The following VPS53 variants were observed in gnomAD, a reference collection of about 807,000 sequenced individuals.
The protein encoded by VPS53 is vacuolar protein sorting-associated protein 53 homolog.
In VPS53, 70 loss-of-function variants were observed where a neutral mutation model predicts 107.0. The observed-to-expected ratio is 0.65, with a 90% CI of 0.54 to 0.80. The LOEUF (loss-of-function observed/expected upper bound fraction) is 0.80, where lower values mean the gene tolerates loss of function less well. Ranked by LOEUF, VPS53 falls within the 30% of genes least tolerant of loss-of-function variation. The probability of loss-of-function intolerance (pLI) is 0.00; values close to 1 mark genes in which losing one functional copy is unlikely to be tolerated. For missense variants in VPS53, 917 were observed against 1,049.4 expected (o/e 0.87, Z 1.74); for synonymous variants, 409 against 393.3 (o/e 1.04, Z -0.47).
intron 12 of VPS53, among the ~76,000 whole-genome samples, chr17:596,193 C>A (rs12937138): frequency 6.6e-6 from 1 of 151,990 alleles, no homozygotes; most frequent in South Asian, 2.1e-4. Context: ...TTAGAAATAT[C>A]TTTATTTATT....
chr17:604,704 A>G (rs1968484347), intron 11 of VPS53, among the ~76,000 whole-genome samples: 1 of 152,188 alleles, frequency 6.6e-6, no homozygotes, highest in Admixed American at 6.5e-5. Context: ...TCAGCCTCCC[A>G]AAGTGCTAGA....
chr17:713,880 C>CCG (rs1567760069), intron 1 of VPS53, among the ~76,000 whole-genome samples: 1 of 138,378 alleles, frequency 7.2e-6, no homozygotes, highest in African/African-American at 2.6e-5. Context: ...GTCTTTACCC[C>CCG]AAAAAAAAAA....
At chr17:655,379 C>T (rs1338126477) in intron 6 of VPS53, among the ~76,000 whole-genome samples, 5 of 152,154 alleles carry the variant, frequency 3.3e-5, no homozygotes, top group Non-Finnish European at 7.3e-5. Context: ...CAGTGCAACT[C>T]AGCCCAACGC....
At chr17:650,673 G>A (rs915133756) in intron 7 of VPS53, among the ~76,000 whole-genome samples, 4 of 152,194 alleles carry the variant, frequency 2.6e-5, no homozygotes, top group Admixed American at 2.6e-4. Context: ...ATAAAGCTTT[G>A]CTGGAGGGCA....
intron 13 of VPS53, among the ~76,000 whole-genome samples, chr17:579,721 G>C (rs955138642): frequency 5.3e-5 from 8 of 150,066 alleles, no homozygotes; most frequent in African/African-American, 2.0e-4. Flanking sequence ...GACCTAATGC[G>C]TTCTCAGAGA....
At chr17:589,588 T>C (rs1287241668) in intron 12 of VPS53, among the ~76,000 whole-genome samples, 1 of 152,158 alleles carries the variant, frequency 6.6e-6, no homozygotes, top group East Asian at 1.9e-4. Flanking sequence ...CCTTGTAACT[T>C]TTCTCTTAGT....
Position 566,600 on chromosome 17 carries a change from G to A in VPS53, c.1314-3855C>T, listed in dbSNP as rs534075969. On this transcript the variant is annotated intron_variant, in intron 13 of 21. Transcript: ENST00000437048. ...GGAAGGTGGAAACGGGATGGAGGCCGGTGCAGTGGAGGAGAACATGGAACA... is the reference window on the plus strand; with the variant it reads ...GGAAGGTGGAAACGGGATGGAGGCCAGTGCAGTGGAGGAGAACATGGAACA... 4.6e-5 allele frequency among the ~76,000 whole-genome samples: 7 copies of A among 152,184 alleles called. No individual in the cohort carries two copies. The South Asian group carries it at 1.0e-3, about 23-fold the overall frequency.
intron 13 of VPS53, among the ~76,000 whole-genome samples, chr17:570,725 G>A (rs1913960519): frequency 6.6e-6 from 1 of 152,144 alleles, no homozygotes. Context: ...AACAACCTGT[G>A]ATCCTAGGGC....
At chr17:618,543 G>A (rs1005851112) in intron 11 of VPS53, among the ~76,000 whole-genome samples, 1 of 151,430 alleles carries the variant, frequency 6.6e-6, no homozygotes, top group Admixed American at 6.6e-5. Flanking sequence ...TGGGACTACA[G>A]GCATGCGCCA....
intron 7 of VPS53, among the ~76,000 whole-genome samples, chr17:639,221 C>T (rs1970325304): frequency 6.6e-6 from 1 of 152,194 alleles, no homozygotes; most frequent in Non-Finnish European, 1.5e-5. Context: ...GCTACTGAAG[C>T]TTGTGCGCTC....
chr17:599,029 C>T (rs1456367098), intron 12 of VPS53, among the ~76,000 whole-genome samples: 1 of 127,182 alleles, frequency 7.9e-6, no homozygotes, highest in African/African-American at 2.9e-5. Flanking sequence ...CCCGGCCAGC[C>T]GCCCCATCCG....
At chr17:551,080 C>A (rs1911774760) in intron 17 of VPS53, among the ~76,000 whole-genome samples, 1 of 151,594 alleles carries the variant, frequency 6.6e-6, no homozygotes, top group Non-Finnish European at 1.5e-5. Flanking sequence ...AAATAAAGGA[C>A]ATGGCTGATT....
In VPS53 at chr17:695,019, G is replaced by A. The variant is rs151159189; in HGVS notation, c.285+2399C>T. Among the ~76,000 whole-genome samples the A allele has an allele frequency of 4.0e-3, 604 of 152,302 alleles. 5 individuals carry two copies. Among genetic ancestry groups the A allele is most frequent in the African/African-American group, 0.014 (580 of 41,572 alleles). On this transcript the variant is annotated intron_variant, in intron 4 of 21. Coordinates refer to ENST00000437048, the MANE Select transcript of VPS53 (RefSeq NM_001128159.3). ...TGTGCCTGGCTCAGTTGAATAAAAT[G>A]TTATTGCATGTGGCCTATGTGTAGT...
At chr17:603,694 C>T (rs1234237947) in intron 11 of VPS53, among the ~76,000 whole-genome samples, 2 of 152,108 alleles carry the variant, frequency 1.3e-5, no homozygotes, top group Non-Finnish European at 2.9e-5. Context: ...AAGTATTTCA[C>T]ATTTGCACAC....
chr17:672,175 A>ATCTCTCTC (rs10539620), intron 4 of VPS53, among the ~76,000 whole-genome samples: 2,682 of 107,038 alleles, frequency 0.025, 83 homozygotes, highest in South Asian at 0.044. Flanking sequence ...CACAATCTCA[A>ATCTCTCTC]TCTCTCTCTC....
chr17:536,418 A>G (rs539139486), intron 18 of VPS53: 54 of 152,366 alleles, frequency 3.5e-4, no homozygotes, highest in African/African-American at 1.3e-3. Context: ...AACAAAATGC[A>G]TATATGAAAT....
chr17:548,179 T>C (rs889346204), intron 17 of VPS53, among the ~76,000 whole-genome samples: 1 of 152,192 alleles, frequency 6.6e-6, no homozygotes, highest in Non-Finnish European at 1.5e-5. Context: ...GACCTAGCAG[T>C]GGAGTAAAGA....
At chr17:525,648 G>A (rs1229902945) in intron 19 of VPS53, among the ~76,000 whole-genome samples, 1 of 151,750 alleles carries the variant, frequency 6.6e-6, no homozygotes, top group Non-Finnish European at 1.5e-5. Context: ...GAGCTATGAT[G>A]GCACCATTGC....
At chr17:581,000 A>C (rs1203110539) in intron 13 of VPS53, among the ~76,000 whole-genome samples, 10 of 151,556 alleles carry the variant, frequency 6.6e-5, no homozygotes, top group African/African-American at 2.4e-5. Flanking sequence ...CTCAGAACTT[A>C]ATGCATTCCC....
Sources: gnomAD v4.1 joint callset for allele counts (sites outside exome capture counted in the v4.1 genomes callset) on GRCh38, gnomAD v4.1.1 for gene constraint, MANE v1.5 for transcripts, NCBI Gene and HGNC (gene_info 2026-07-23, HGNC 2026-07-21) for gene names.